Variants in DTNA observed in about 807,000 individuals in gnomAD.
The protein encoded by DTNA is dystrobrevin alpha.
DTNA carries 43 observed loss-of-function variants against 100.7 expected under a neutral mutation model. The ratio of observed to expected loss-of-function variants is 0.43; its 90% CI spans 0.33 to 0.55. The LOEUF is 0.55. DTNA is among the 20% of genes least tolerant of loss of function. The probability of loss-of-function intolerance (pLI) is 0.04; values close to 1 mark genes in which losing one functional copy is unlikely to be tolerated. For missense variants in DTNA, 798 were observed against 953.9 expected, an observed-to-expected ratio of 0.84 and a Z score of 2.15; for synonymous variants, 349 against 347.9, an observed-to-expected ratio of 1.00 and a Z score of -0.04.
chr18:34,866,285 T>G, intron 17 of DTNA: 1 of 1,532,048 alleles, frequency 6.5e-7, no homozygotes, highest in East Asian at 2.4e-5. Flanking sequence ...ATGTAGTGCT[T>G]GAATTGAGAT....
chr18:34,758,667 A>G (rs1430387981), intron 2 of DTNA, among the ~76,000 whole-genome samples: 2 of 152,232 alleles, frequency 1.3e-5, no homozygotes, highest in Non-Finnish European at 2.9e-5. Context: ...TTCTTGAGAA[A>G]GACATTCCTG....
At chr18:34,618,166 G>C (rs906171561) in intron 1 of DTNA, among the ~76,000 whole-genome samples, 10 of 152,048 alleles carry the variant, frequency 6.6e-5, no homozygotes, top group Non-Finnish European at 1.2e-4. Context: ...AAGAGTACAA[G>C]GGTCAAGAGT....
intron 1 of DTNA, among the ~76,000 whole-genome samples, chr18:34,727,175 A>T (rs1442349609): frequency 6.6e-6 from 1 of 152,248 alleles, no homozygotes; most frequent in Non-Finnish European, 1.5e-5. Flanking sequence ...TTCACAGGGC[A>T]GCAGGGTCCT....
At chr18:34,594,469 T>C (rs1305820734) in intron 1 of DTNA, among the ~76,000 whole-genome samples, 3 of 152,166 alleles carry the variant, frequency 2.0e-5, no homozygotes, top group African/African-American at 4.8e-5. Flanking sequence ...CTACTTTATA[T>C]GGGGAAAATA....
At chr18:34,541,454 C>T (rs1017129634) in intron 1 of DTNA, among the ~76,000 whole-genome samples, 1 of 151,938 alleles carries the variant, frequency 6.6e-6, no homozygotes, top group Non-Finnish European at 1.5e-5. Context: ...TCATGCTGTT[C>T]TCTTGATTGT....
In DTNA at chr18:34,827,721, G is replaced by A. The variant is rs1013020984; in HGVS notation, c.1085+45G>A. On this transcript the variant is annotated intron_variant, in intron 10 of 22. Transcript: ENST00000444659. ...TAAAATAAGCCCTTTCTTTGGTAAT[G>A]AGCCTTGATTCTGTGGTAAGAAAAA... 18 of 1,572,110 alleles carry A rather than the reference G, an allele frequency of 1.1e-5. No individual in the cohort carries two copies. The Admixed American group carries it at 1.8e-4, about 16-fold the overall frequency.
At chr18:34,719,266 C>G (rs922007351) in intron 1 of DTNA, among the ~76,000 whole-genome samples, 1 of 152,008 alleles carries the variant, frequency 6.6e-6, no homozygotes, top group African/African-American at 2.4e-5. Flanking sequence ...ATCACTTGAA[C>G]CAGGGAGGTG....
chr18:34,839,752 A>G, intron 13 of DTNA, among the ~76,000 whole-genome samples: 1 of 152,210 alleles, frequency 6.6e-6, no homozygotes, highest in East Asian at 1.9e-4. Flanking sequence ...CAATGGGTTC[A>G]ATTTCCATTA....
intron 1 of DTNA, among the ~76,000 whole-genome samples, chr18:34,713,827 G>C (rs1453241454): frequency 6.6e-6 from 1 of 151,572 alleles, no homozygotes; most frequent in African/African-American, 2.4e-5. Flanking sequence ...TCCTTGAAGA[G>C]GTCCTTCACA....
At position 34,890,956 on chromosome 18, in the gene DTNA, T is replaced by G. The variant is rs1164762889; in HGVS notation, c.*3222T>G. 2.0e-5 allele frequency: 3 copies of G among 153,034 alleles called. No homozygotes were observed. Among genetic ancestry groups the G allele is most frequent in the Non-Finnish European group, 4.4e-5 (3 of 68,334 alleles). 9.5% of individuals were successfully genotyped at this position (153,034 alleles called of 1,614,324 possible). A position where few individuals can be genotyped will look rare whatever the true frequency, so the allele number is the denominator to read the frequency against. On this transcript the variant is annotated 3_prime_UTR_variant, in exon 23 of 23. Transcript: ENST00000444659. ...TTCTTGGCTGTTAACCGTAGATAGA[T>G]CTTGTAAATCCAGCAACCTTTGGTT...
chr18:34,763,182 C>G (rs529273105), intron 2 of DTNA, among the ~76,000 whole-genome samples: 1 of 152,220 alleles, frequency 6.6e-6, no homozygotes, highest in Non-Finnish European at 1.5e-5. Context: ...TATTGAGACT[C>G]TCCTGATTGC....
At chr18:34,575,525 T>A (rs1424981771) in intron 1 of DTNA, among the ~76,000 whole-genome samples, 2 of 151,738 alleles carry the variant, frequency 1.3e-5, no homozygotes, top group Non-Finnish European at 2.9e-5. Context: ...TTTCCAAACA[T>A]GGTCTTGAAA....
chr18:34,813,303 C>A (rs74869171), intron 6 of DTNA, among the ~76,000 whole-genome samples: 1 of 151,732 alleles, frequency 6.6e-6, no homozygotes, highest in East Asian at 2.0e-4. Flanking sequence ...CCCATTTCTA[C>A]GAAAAATTTT....
At chr18:34,602,443 A>G (rs956636417) in intron 1 of DTNA, among the ~76,000 whole-genome samples, 1 of 152,192 alleles carries the variant, frequency 6.6e-6, no homozygotes, top group Non-Finnish European at 1.5e-5. Flanking sequence ...CACTAAAGGG[A>G]TATGTTTGAC....
intron 6 of DTNA, among the ~76,000 whole-genome samples, chr18:34,813,436 CCTGT>C (rs1409584388): frequency 2.1e-5 from 3 of 141,232 alleles, no homozygotes; most frequent in African/African-American, 8.2e-5. Flanking sequence ...AGAGCAAGGC[CCTGT>C]CTCAAAAAAA....
intron 17 of DTNA, among the ~76,000 whole-genome samples, chr18:34,870,916 A>T (rs1431665594): frequency 6.6e-6 from 1 of 152,188 alleles, no homozygotes; most frequent in African/African-American, 2.4e-5. Flanking sequence ...ATGTACCCCC[A>T]CAACACTCTA....
chr18:34,682,892 T>G (rs2078330436), intron 1 of DTNA, among the ~76,000 whole-genome samples: 1 of 152,144 alleles, frequency 6.6e-6, no homozygotes, highest in Admixed American at 6.6e-5. Context: ...CTATACAATA[T>G]TGTAACATTA....
chr18:34,635,011 T>G (rs1190233947), intron 1 of DTNA, among the ~76,000 whole-genome samples: 3 of 152,130 alleles, frequency 2.0e-5, no homozygotes, highest in Non-Finnish European at 2.9e-5. Context: ...AATGTATCCT[T>G]CAACCAATAT....
intron 1 of DTNA, among the ~76,000 whole-genome samples, chr18:34,512,105 G>C (rs890590905): frequency 6.6e-6 from 1 of 151,992 alleles, no homozygotes; most frequent in Admixed American, 6.6e-5. Context: ...ATATGCCCTT[G>C]ATTCTTTTAA....
Sources: gnomAD v4.1 joint callset for allele counts (sites outside exome capture counted in the v4.1 genomes callset) on GRCh38, gnomAD v4.1.1 for gene constraint, MANE v1.5 for transcripts, NCBI Gene and HGNC (gene_info 2026-07-23, HGNC 2026-07-21) for gene names.